MBD3L1: variants seen among roughly 807,000 people sequenced by gnomAD.
The protein encoded by MBD3L1 is methyl-CpG-binding domain protein 3-like 1.
For missense variants in MBD3L1, 203 were observed against 230.1 expected, an observed-to-expected ratio of 0.88 and a Z score of 0.76; for synonymous variants, 84 against 85.1, an observed-to-expected ratio of 0.99 and a Z score of 0.07.
chr19:8,839,779 G>A (rs1226449806), intron 1 of MBD3L1, among the ~76,000 whole-genome samples: 3 of 152,146 alleles, frequency 2.0e-5, no homozygotes, highest in Non-Finnish European at 4.4e-5. Context: ...CATAGCTAAG[G>A]GGAAGGGATA....
intron 2 of MBD3L1, among the ~76,000 whole-genome samples, chr19:8,841,983 A>G (rs2044517003): frequency 6.6e-6 from 1 of 152,200 alleles, no homozygotes; most frequent in Non-Finnish European, 1.5e-5. Flanking sequence ...AACTGTGCAA[A>G]CCAAGAGGTC....
intron 2 of MBD3L1, 45 bp from the exon 3 acceptor site, chr19:8,842,613 G>A (rs151299870): frequency 1.5e-6 from 2 of 1,371,984 alleles, no homozygotes; most frequent in African/African-American, 1.4e-5. Context: ...GAGAAGGCAG[G>A]CTTCATTGAT....
At chr19:8,841,303 A>T (rs1427361278) in intron 2 of MBD3L1, among the ~76,000 whole-genome samples, 1 of 151,510 alleles carries the variant, frequency 6.6e-6, no homozygotes, top group African/African-American at 2.4e-5. Context: ...AAGTGCTGAG[A>T]TTACAGGCGT....
chr19:8,842,114 A>C (rs1200234570), intron 2 of MBD3L1, among the ~76,000 whole-genome samples: 1 of 151,906 alleles, frequency 6.6e-6, no homozygotes, highest in Non-Finnish European at 1.5e-5. Context: ...GGATCACTTG[A>C]GTTCAGGAGT....
At chr19:8,836,996 T>C (rs1409764103) in intron 1 of MBD3L1, among the ~76,000 whole-genome samples, 1 of 152,172 alleles carries the variant, frequency 6.6e-6, no homozygotes, top group Admixed American at 6.5e-5. Context: ...TACAAATACA[T>C]ACAACTGCCC....
intron 2 of MBD3L1, among the ~76,000 whole-genome samples, chr19:8,841,768 G>C (rs1013818746): frequency 2.0e-5 from 3 of 151,638 alleles, no homozygotes; most frequent in Non-Finnish European, 4.4e-5. Context: ...TGTTGGCCAG[G>C]CTGGTCTTGA....
chr19:8,838,721 A>G (rs1006763905), intron 1 of MBD3L1, among the ~76,000 whole-genome samples: 1 of 152,202 alleles, frequency 6.6e-6, no homozygotes, highest in African/African-American at 2.4e-5. Context: ...AGTCGTAGGT[A>G]AAGAAAGACA....
At chr19:8,837,759 A>G (rs1392233995) in intron 1 of MBD3L1, among the ~76,000 whole-genome samples, 2 of 152,216 alleles carry the variant, frequency 1.3e-5, no homozygotes, top group African/African-American at 2.4e-5. Context: ...CTGCTAGAGT[A>G]AAAACAACTA....
intron 1 of MBD3L1, among the ~76,000 whole-genome samples, chr19:8,836,471 CT>C (rs747980726): frequency 1.7e-3 from 248 of 149,988 alleles, no homozygotes; most frequent in East Asian, 4.5e-3. Flanking sequence ...TCCTCCCCCC[CT>C]CTCCTCCTCC....
chr19:8,837,976 C>T (rs1033567505), intron 1 of MBD3L1, among the ~76,000 whole-genome samples: 4 of 151,786 alleles, frequency 2.6e-5, no homozygotes, highest in Admixed American at 6.6e-5. Flanking sequence ...TGGCCAGGCA[C>T]GGTGGCTCAC....
intron 1 of MBD3L1, among the ~76,000 whole-genome samples, chr19:8,838,730 C>A (rs571556983): frequency 4.6e-5 from 7 of 152,236 alleles, no homozygotes; most frequent in African/African-American, 1.7e-4. Flanking sequence ...TAAAGAAAGA[C>A]AGATTTATTA....
chr19:8,836,848 G>T (rs2044461261), intron 1 of MBD3L1, among the ~76,000 whole-genome samples: 1 of 151,940 alleles, frequency 6.6e-6, no homozygotes, highest in South Asian at 2.1e-4. Flanking sequence ...AACAAACTGG[G>T]GATAAATAAT....
intron 1 of MBD3L1, among the ~76,000 whole-genome samples, chr19:8,836,427 TTCC>T (rs1185961056): frequency 1.3e-5 from 2 of 151,132 alleles, no homozygotes; most frequent in African/African-American, 4.9e-5. Flanking sequence ...TCTTTCTTCT[TTCC>T]TCCTCCTCCT....
intron 1 of MBD3L1, among the ~76,000 whole-genome samples, chr19:8,835,234 C>A (rs1316273827): frequency 6.6e-6 from 1 of 152,062 alleles, no homozygotes; most frequent in East Asian, 1.9e-4. Context: ...GTATTTTTAG[C>A]AGAGAGAGGG....
intron 1 of MBD3L1, among the ~76,000 whole-genome samples, chr19:8,838,663 C>T (rs779884135): frequency 7.9e-5 from 12 of 152,138 alleles, no homozygotes; most frequent in Non-Finnish European, 1.0e-4. Context: ...GTTTTAGGTG[C>T]GACTGGCTGG....
At chr19:8,841,973 A>C (rs1568484878) in intron 2 of MBD3L1, among the ~76,000 whole-genome samples, 1 of 152,212 alleles carries the variant, frequency 6.6e-6, no homozygotes, top group African/African-American at 2.4e-5. Context: ...AAGCTGCAGG[A>C]ACTGTGCAAA....
At chr19:8,841,020 C>T (rs2044507039) in intron 2 of MBD3L1, 21 bp downstream of exon 2, 1 of 147,406 alleles carries the variant, frequency 6.8e-6, no homozygotes, top group Non-Finnish European at 1.5e-5. Flanking sequence ...TTGGATTAAT[C>T]TAAATGAATT....
intron 1 of MBD3L1, chr19:8,833,260 C>T (rs2044406428): frequency 1.3e-5 from 2 of 152,166 alleles, no homozygotes; most frequent in Admixed American, 1.3e-4. Context: ...TATGTATGCA[C>T]ATTTGTCTAT....
chr19:8,842,096 G>T (rs1389028276), intron 2 of MBD3L1, among the ~76,000 whole-genome samples: 1 of 151,802 alleles, frequency 6.6e-6, no homozygotes, highest in Non-Finnish European at 1.5e-5. Context: ...GGGAGGTCGA[G>T]GGGGGGTGGA....
Sources: allele counts gnomAD v4.1 joint callset (sites outside exome capture counted in the v4.1 genomes callset), GRCh38; gene constraint gnomAD v4.1.1; transcripts MANE v1.5; gene names NCBI Gene and HGNC (gene_info 2026-07-23, HGNC 2026-07-21).